Variants in PPARGC1B observed in about 807,000 individuals in gnomAD.
PPARGC1B encodes peroxisome proliferator-activated receptor gamma coactivator 1-beta.
In PPARGC1B, 34 loss-of-function variants were observed where a neutral mutation model predicts 101.6. The observed-to-expected ratio is 0.33, with a 90% CI of 0.25 to 0.45. The LOEUF is 0.45. PPARGC1B is among the 20% of genes least tolerant of loss of function. The probability of loss-of-function intolerance (pLI) is 1.00; values close to 1 mark genes in which losing one functional copy is unlikely to be tolerated. For synonymous variants in PPARGC1B, 548 were observed against 539.3 expected, an observed-to-expected ratio of 1.02 and a Z score of -0.22; for missense variants, 1,234 against 1,317.6, an observed-to-expected ratio of 0.94 and a Z score of 0.98.
intron 1 of PPARGC1B, among the ~76,000 whole-genome samples, chr5:149,812,423 A>G (rs1757899753): frequency 6.6e-6 from 1 of 150,616 alleles, no homozygotes; most frequent in Non-Finnish European, 1.5e-5. Flanking sequence ...GAAGACATGG[A>G]AAGATTGGGT....
intron 3 of PPARGC1B, among the ~76,000 whole-genome samples, chr5:149,828,450 TA>T (rs895634770): frequency 3.5e-4 from 53 of 152,224 alleles, no homozygotes; most frequent in Non-Finnish European, 6.5e-4. Context: ...ATAATACACA[TA>T]AAGCACTTAG....
intron 2 of PPARGC1B, among the ~76,000 whole-genome samples, chr5:149,823,511 G>T (rs1044754867): frequency 2.0e-5 from 3 of 152,144 alleles, no homozygotes; most frequent in Non-Finnish European, 4.4e-5. Context: ...CCTCCTGCTT[G>T]AGATCAGCTC....
intron 1 of PPARGC1B, among the ~76,000 whole-genome samples, chr5:149,748,440 T>C (rs1755167600): frequency 6.6e-6 from 1 of 152,112 alleles, no homozygotes; most frequent in Admixed American, 6.6e-5. Context: ...CAATTACCAG[T>C]GACCAGATGG....
intron 1 of PPARGC1B, among the ~76,000 whole-genome samples, chr5:149,743,296 C>T (rs1424101541): frequency 6.6e-6 from 1 of 151,786 alleles, no homozygotes; most frequent in African/African-American, 2.4e-5. Context: ...GCTGGGATTA[C>T]AGACGCCCAC....
chr5:149,766,925 G>A (rs1755931346), intron 1 of PPARGC1B, among the ~76,000 whole-genome samples: 2 of 152,222 alleles, frequency 1.3e-5, no homozygotes. Flanking sequence ...GCCCAGAGGG[G>A]TGGTAGCAGG....
intron 1 of PPARGC1B, chr5:149,818,828 G>T (rs925883852): frequency 3.1e-5 from 14 of 456,348 alleles, no homozygotes; most frequent in Admixed American, 2.6e-4. Flanking sequence ...TAATGACATT[G>T]CCTCTTTTAA....
chr5:149,797,676 C>A lies in PPARGC1B; in HGVS notation c.79-22757C>A, dbSNP rs192604821. ...TGGCTCACACCTGTAATCCCAACAC[C>A]TTGGGAGGCCGAGGCGGGTGAATCA... On this transcript the variant is annotated intron_variant, in intron 1 of 11. Coordinates refer to ENST00000309241, the MANE Select transcript of PPARGC1B (RefSeq NM_133263.4). Among the ~76,000 whole-genome samples, 731 of 152,218 alleles carry A rather than the reference C, an allele frequency of 4.8e-3. 7 individuals are homozygous for A. Among genetic ancestry groups the A allele is most frequent in the African/African-American group, 0.017 (703 of 41,514 alleles).
chr5:149,805,951 C>G lies in PPARGC1B; in HGVS notation c.79-14482C>G, dbSNP rs536498207. 1.5e-3 allele frequency among the ~76,000 whole-genome samples: 228 copies of G among 152,396 alleles called. 1 individual carries two copies. The highest frequency in any genetic ancestry group is 5.3e-3 in the African/African-American group (219 of 41,602). ...CCACAGGACCAGATGGGCTGTGAGG[C>G]CCCTCCAGCTCCCACGCTGTGCAGC... On this transcript the variant is annotated intron_variant, in intron 1 of 11. Coordinates refer to ENST00000309241, the MANE Select transcript of PPARGC1B (RefSeq NM_133263.4).
At chr5:149,817,099 C>T (rs571535298) in intron 1 of PPARGC1B, among the ~76,000 whole-genome samples, 6 of 152,190 alleles carry the variant, frequency 3.9e-5, no homozygotes, top group African/African-American at 7.2e-5. Context: ...TCAGTCCCCA[C>T]GGGGGTCTTT....
intron 1 of PPARGC1B, among the ~76,000 whole-genome samples, chr5:149,794,992 G>A (rs1225100484): frequency 2.0e-5 from 3 of 152,200 alleles, no homozygotes; most frequent in Non-Finnish European, 4.4e-5. Context: ...GGGGACACAC[G>A]AGACATCTTG....
rs1757964760 is a variant in PPARGC1B at position 149,814,161 on chromosome 5, GT to G, written c.79-6271del. On this transcript the variant is annotated intron_variant, in intron 1 of 11. Coordinates refer to ENST00000309241, the MANE Select transcript of PPARGC1B (RefSeq NM_133263.4). ...GGATTGTTTTTATTATCCCCATTTT[GT>G]GACTAGAAACCTAGGTGGCAAGAAA... 3.3e-5 allele frequency among the ~76,000 whole-genome samples: 5 copies of G among 152,230 alleles called. No individual in the cohort carries two copies. The South Asian group carries it at 1.0e-3, about 32-fold the overall frequency.
intron 1 of PPARGC1B, among the ~76,000 whole-genome samples, chr5:149,748,229 G>C (rs749372816): frequency 3.3e-5 from 5 of 152,022 alleles, no homozygotes; most frequent in Non-Finnish European, 5.9e-5. Flanking sequence ...TGCTGACTTA[G>C]GGCATGGTAC....
At chr5:149,755,704 C>T (rs1034883230) in intron 1 of PPARGC1B, among the ~76,000 whole-genome samples, 4 of 150,102 alleles carry the variant, frequency 2.7e-5, no homozygotes, top group East Asian at 2.0e-4. Context: ...AGTACAATGG[C>T]GCGATCTTGG....
At chr5:149,754,107 C>CCA (rs1295502060) in intron 1 of PPARGC1B, among the ~76,000 whole-genome samples, 1 of 152,216 alleles carries the variant, frequency 6.6e-6, no homozygotes, top group Non-Finnish European at 1.5e-5. Flanking sequence ...ACACCTTCAC[C>CCA]CACACAGCAT....
In PPARGC1B at chr5:149,730,472, G is replaced by A. The variant is rs764515482; in HGVS notation, c.78+52G>A. The A allele has an allele frequency of 8.6e-6, 12 of 1,400,122 alleles. No individual in the cohort carries two copies. In the African/African-American group the frequency reaches 1.4e-4, roughly 16 times the overall value. 86.7% of individuals were successfully genotyped at this position (1,400,122 alleles called of 1,614,324 possible). ...GGGGCCAGGGGTGCTGAGCTGCGGG[G>A]GCCGCAGCTGCAGCCGCGGAGGCCG... On this transcript the variant is annotated intron_variant, in intron 1 of 11. Transcript: ENST00000309241. The surrounding 1 kb of genome is among the most constrained non-coding windows in gnomAD (Gnocchi z 4.0).
chr5:149,827,255 CCT>C (rs1409261561), intron 3 of PPARGC1B, among the ~76,000 whole-genome samples: 5 of 152,210 alleles, frequency 3.3e-5, no homozygotes, highest in Admixed American at 2.0e-4. Context: ...CCTCCTTAGC[CCT>C]CTCTCTGTTG....
intron 1 of PPARGC1B, among the ~76,000 whole-genome samples, chr5:149,758,548 T>C (rs2012522): frequency 0.73 from 111,075 of 152,138 alleles, 40,756 homozygotes; most frequent in African/African-American, 0.82. Flanking sequence ...CAGGACCTGG[T>C]TGGGTGATCA....
Position 149,833,544 on chromosome 5 carries a change from A to G in PPARGC1B, c.1471A>G (p.Thr491Ala). 6.3e-7 allele frequency: 1 copy of G among 1,579,934 alleles called. No homozygotes were observed. The highest frequency in any genetic ancestry group is 8.6e-7 in the Non-Finnish European group (1 of 1,163,044). ...GAACCCTGAGCTGGGCCCCTGGCTGACATTTGCAGATGAGCCGCTGGTCCC... is the reference window on the plus strand; with the variant it reads ...GAACCCTGAGCTGGGCCCCTGGCTGGCATTTGCAGATGAGCCGCTGGTCCC... ...RLNPELGPWL[T>A]FADEPLVPSE... The change falls in exon 5 of 12, where the codon ACA (threonine) becomes GCA (alanine). Residue 491 changes from threonine to alanine, a missense_variant. Physicochemically the swap from Thr to Ala is moderately conservative, Grantham distance 58. Transcript: ENST00000309241. The surrounding 1 kb of genome is among the most constrained non-coding windows in gnomAD (Gnocchi z 4.1).
intron 1 of PPARGC1B, among the ~76,000 whole-genome samples, chr5:149,794,215 A>T (rs565034974): frequency 6.6e-6 from 1 of 152,208 alleles, no homozygotes; most frequent in Non-Finnish European, 1.5e-5. Context: ...CTCTTGGGGA[A>T]GGCCTTCCAA....
Sources: gnomAD v4.1 joint callset for allele counts (sites outside exome capture counted in the v4.1 genomes callset) on GRCh38, gnomAD v4.1.1 for gene constraint, Gnocchi (gnomAD v3.1) non-coding constraint, MANE v1.5 for transcripts, NCBI Gene and HGNC (gene_info 2026-07-23, HGNC 2026-07-21) for gene names.